Variants in RBM5 observed in about 807,000 individuals in gnomAD.
RBM5 encodes RNA binding motif protein 5.
A neutral mutation model predicts 124.6 loss-of-function variants in RBM5; 15 were observed. The ratio of observed to expected loss-of-function variants is 0.12; its 90% CI spans 0.08 to 0.19. The LOEUF is 0.19. Ranked by LOEUF, RBM5 falls within the 10% of genes least tolerant of loss-of-function variation. The pLI is 1.00. For missense variants in RBM5, 580 were observed against 1,026.5 expected, an observed-to-expected ratio of 0.57 and a Z score of 5.94; for synonymous variants, 337 against 361.2, an observed-to-expected ratio of 0.93 and a Z score of 0.76.
intron 6 of RBM5, chr3:50,101,507 T>G (rs1267620155): frequency 6.6e-6 from 1 of 152,212 alleles, no homozygotes; most frequent in Non-Finnish European, 1.5e-5. Context: ...CTGACTGATT[T>G]GTTAAAGTTT....
intron 15 of RBM5, 160 bp downstream of exon 15, chr3:50,109,848 A>G: frequency 1.9e-6 from 1 of 531,928 alleles, no homozygotes; most frequent in South Asian, 2.9e-5. Context: ...TATGATATAT[A>G]TGTGCATGTA....
chr3:50,090,820 G>T (rs1446724742), intron 2 of RBM5, among the ~76,000 whole-genome samples: 1 of 152,178 alleles, frequency 6.6e-6, no homozygotes, highest in Non-Finnish European at 1.5e-5. Flanking sequence ...AGCAACCTTT[G>T]CAGAATCCAG....
rs141267714 is a variant in RBM5, at chr3:50,118,375, C to T, written c.2367C>T (p.Ser789=). Residue 789 remains serine, a synonymous_variant, in exon 25 of 25, where the codon AGC becomes AGT. Coordinates refer to ENST00000347869, the MANE Select transcript of RBM5 (RefSeq NM_005778.4). ...GAGCTGGCCTAGGAGCCAAAGGCAG[C>T]GCATATGGTTTGTCGGGCGCCGATT... ...LKGAGLGAKG[S]AYGLSGADSY... is the part of the protein sequence containing the mutation. The T allele has an allele frequency of 9.3e-6, 15 of 1,613,948 alleles. No homozygotes were observed. Among genetic ancestry groups the T allele is most frequent in the Admixed American group, 1.7e-5 (1 of 59,996 alleles).
chr3:50,099,954 A>C (rs2108996906), intron 4 of RBM5, 28 bp from the exon 5 acceptor site: 1 of 1,603,184 alleles, frequency 6.2e-7, no homozygotes, highest in East Asian at 2.2e-5. Context: ...AAAAGCTTTA[A>C]CTGTAAATAA....
At chr3:50,110,946 T>C in intron 17 of RBM5, 176 bp downstream of exon 17, 1 of 584,552 alleles carries the variant, frequency 1.7e-6, no homozygotes, top group Non-Finnish European at 3.0e-6. Flanking sequence ...AATTGTAGGG[T>C]TAAAAAATGT....
chr3:50,115,900 G>A lies in RBM5; in HGVS notation c.2020-6G>A. The A allele has an allele frequency of 1.2e-6, 2 of 1,610,320 alleles. No homozygotes were observed. Among genetic ancestry groups the A allele is most frequent in the Non-Finnish European group, 1.7e-6 (2 of 1,176,618 alleles). ...CCTTACTGTGTCTTTCAAATCTTTT[G>A]TGTAGCAAAACATGGACATCTATCG... is the stretch of plus-strand genomic sequence containing the variant. On this transcript the variant is annotated splice_polypyrimidine_tract_variant and splice_region_variant and intron_variant, in intron 21 of 24. Coordinates refer to ENST00000347869, the MANE Select transcript of RBM5 (RefSeq NM_005778.4).
chr3:50,116,153 G>A, intron 22 of RBM5, 173 bp downstream of exon 22: 1 of 611,258 alleles, frequency 1.6e-6, no homozygotes, highest in Non-Finnish European at 2.9e-6. Flanking sequence ...TGCCTTGTGA[G>A]CCTCACATTG....
chr3:50,091,931 A>G, intron 2 of RBM5, 112 bp from the exon 3 acceptor site: 2 of 1,028,326 alleles, frequency 1.9e-6, no homozygotes, highest in Non-Finnish European at 1.4e-6. Context: ...AACACTTTAA[A>G]CTATTTGGAT....
In RBM5 at chr3:50,108,144, T is replaced by C. The variant is rs779433571; in HGVS notation, c.1116T>C (p.Ala372=). ...GTCAAGATGGCTATGCCCAATATGCTCAGGTAGGTAGATTTTAGCAGCATC... is the reference window on the plus strand; with the variant it reads ...GTCAAGATGGCTATGCCCAATATGCCCAGGTAGGTAGATTTTAGCAGCATC... ...QPGQDGYAQY[A]QYSQDYQQFY... is the part of the protein sequence containing the mutation. The change falls in exon 13 of 25, where the codon GCT becomes GCC. Residue 372 remains alanine, a synonymous_variant. Coordinates refer to ENST00000347869, the MANE Select transcript of RBM5 (RefSeq NM_005778.4). 2.5e-6 allele frequency: 4 copies of C among 1,609,444 alleles called. No individual in the cohort carries two copies. The highest frequency in any genetic ancestry group is 2.2e-5 in the South Asian group (2 of 90,996).
At chr3:50,096,641 G>C (rs2090821406) in intron 4 of RBM5, among the ~76,000 whole-genome samples, 1 of 146,524 alleles carries the variant, frequency 6.8e-6, no homozygotes, top group African/African-American at 2.5e-5. Context: ...ATAGGCTGGA[G>C]TGCAATCGCG....
chr3:50,097,868 A>G (rs2090852565), intron 4 of RBM5, among the ~76,000 whole-genome samples: 1 of 152,206 alleles, frequency 6.6e-6, no homozygotes, highest in African/African-American at 2.4e-5. Context: ...TGGGAGGCCA[A>G]GGTGGGTGGA....
intron 4 of RBM5, among the ~76,000 whole-genome samples, chr3:50,097,119 G>C (rs766037900): frequency 1.3e-4 from 20 of 152,138 alleles, no homozygotes; most frequent in Non-Finnish European, 2.6e-4. Flanking sequence ...GGGTTGGCCA[G>C]GTGCGGTGGC....
At chr3:50,106,624 C>A in intron 10 of RBM5, 143 bp from the exon 11 acceptor site, 1 of 624,398 alleles carries the variant, frequency 1.6e-6, no homozygotes, top group Non-Finnish European at 2.8e-6. Context: ...ATATTCCTTT[C>A]TTGAGGTTTC....
At chr3:50,093,963 T>G in intron 4 of RBM5, 88 bp downstream of exon 4, 1 of 1,452,362 alleles carries the variant, frequency 6.9e-7, no homozygotes, top group Non-Finnish European at 9.5e-7. Context: ...TATTGTTTTA[T>G]CTTAAGCCAA....
Position 50,114,220 on chromosome 3 carries a change from T to C in RBM5, c.1808T>C (p.Val603Ala). 1 of 1,611,970 alleles carries C rather than the reference T, an allele frequency of 6.2e-7. No homozygotes were observed. The highest frequency in any genetic ancestry group is 1.1e-5 in the South Asian group (1 of 90,630). Residue 603 changes from valine to alanine, a missense_variant, in exon 20 of 25, where the codon GTG (valine) becomes GCG (alanine). This residue lies in a region of RBM5 where 234 missense variants were observed against 435.1 expected (regional missense o/e 0.54). Coordinates refer to ENST00000347869, the MANE Select transcript of RBM5 (RefSeq NM_005778.4). ...AERQQLIPEL[V>A]RNGDEENPLK... ...AGGCAGCAGCTCATCCCAGAATTGG[T>C]GCGAAATGGAGATGAGGAGAATCCC...
intron 4 of RBM5, among the ~76,000 whole-genome samples, chr3:50,095,629 T>C (rs1193130559): frequency 6.6e-6 from 1 of 151,758 alleles, no homozygotes; most frequent in Non-Finnish European, 1.5e-5. Context: ...TGGAGACGCC[T>C]GTATGTAAAG....
intron 6 of RBM5, 158 bp from the exon 7 acceptor site, chr3:50,102,925 A>G (rs2090968479): frequency 3.2e-6 from 2 of 627,010 alleles, no homozygotes; most frequent in Non-Finnish European, 5.7e-6. Context: ...GCCTATCTGA[A>G]GGATTGGATG....
In RBM5 at chr3:50,117,490, G is replaced by A; in HGVS notation, c.2322+111G>A. On this transcript the variant is annotated intron_variant, in intron 24 of 24. Transcript: ENST00000347869. This position sits in a 1 kb window ranked among gnomAD's most constrained non-coding sequence, Gnocchi z 4.2. ...GCCAGGAGCAGCTTTACCTTAGCATGAAGGGGCAGATTACAGGCATGAGCT... is the reference window on the plus strand; with the variant it reads ...GCCAGGAGCAGCTTTACCTTAGCATAAAGGGGCAGATTACAGGCATGAGCT... 3 of 1,454,882 alleles carry A rather than the reference G, an allele frequency of 2.1e-6. No homozygotes were observed. The highest frequency in any genetic ancestry group is 2.5e-5 in the South Asian group (2 of 78,614). 90.1% of individuals were successfully genotyped at this position (1,454,882 alleles called of 1,614,324 possible).
intron 2 of RBM5, among the ~76,000 whole-genome samples, chr3:50,091,674 C>T (rs1559675238): frequency 6.6e-6 from 1 of 152,110 alleles, no homozygotes; most frequent in African/African-American, 2.4e-5. Flanking sequence ...GGGTGAAATT[C>T]GAGTAACTGC....
Sources: allele counts gnomAD v4.1 joint callset (sites outside exome capture counted in the v4.1 genomes callset), GRCh38; gene constraint gnomAD v4.1.1; regional missense constraint gnomAD v4.1.1; non-coding constraint Gnocchi (gnomAD v3.1); transcripts MANE v1.5; gene names NCBI Gene and HGNC (gene_info 2026-07-23, HGNC 2026-07-21).